AGBL4: variants seen among roughly 807,000 people sequenced by gnomAD.
AGBL4 encodes cytosolic carboxypeptidase 6.
A neutral mutation model predicts 66.4 loss-of-function variants in AGBL4; 58 were observed. That is an observed-to-expected ratio of 0.87 (90% CI 0.71 to 1.09). The LOEUF (loss-of-function observed/expected upper bound fraction) is 1.09, where lower values mean the gene tolerates loss of function less well. Among genes scored for constraint, AGBL4 ranks in the 50% least tolerant of loss-of-function variants. The probability of loss-of-function intolerance (pLI) is 0.00; values close to 1 mark genes in which losing one functional copy is unlikely to be tolerated. For missense variants in AGBL4, 579 were observed against 631.0 expected (o/e 0.92, Z 0.88); for synonymous variants, 234 against 222.9 (o/e 1.05, Z -0.44).
intron 4 of AGBL4, among the ~76,000 whole-genome samples, chr1:49,067,415 C>A (rs1424773720): frequency 6.6e-6 from 1 of 152,220 alleles, no homozygotes; most frequent in African/African-American, 2.4e-5. Flanking sequence ...CTACCTACTT[C>A]ATCTTGTACT....
intron 2 of AGBL4, among the ~76,000 whole-genome samples, chr1:49,701,718 C>A (rs540390905): frequency 6.6e-6 from 1 of 152,030 alleles, no homozygotes; most frequent in South Asian, 2.1e-4. Context: ...AAGTGATCAA[C>A]AAAAGTGACA....
At chr1:49,300,176 A>G (rs1199688769) in intron 3 of AGBL4, among the ~76,000 whole-genome samples, 1 of 152,180 alleles carries the variant, frequency 6.6e-6, no homozygotes, top group Non-Finnish European at 1.5e-5. Context: ...CTTCCCCAGA[A>G]ATAAAATTTC....
chr1:48,778,975 G>GA (rs1319899103), intron 6 of AGBL4, among the ~76,000 whole-genome samples: 1 of 151,592 alleles, frequency 6.6e-6, no homozygotes, highest in African/African-American at 2.4e-5. Flanking sequence ...CAAGCTTGTG[G>GA]AAAAAAAAGG....
Position 48,761,283 on chromosome 1 carries a change from G to C in AGBL4, c.635-98042C>G, listed in dbSNP as rs144179324. 45 of 1,500,702 alleles carry C rather than the reference G, an allele frequency of 3.0e-5. No homozygotes were observed. The Middle Eastern group carries it at 8.7e-4, about 29-fold the overall frequency. 93.0% of individuals were successfully genotyped at this position (1,500,702 alleles called of 1,614,324 possible). ...AGCCAGACTGAAACTCTTTAGCTAC[G>C]AGATATCTGAAAATGCTCCAGCATA... On this transcript the variant is annotated intron_variant, in intron 6 of 13. Transcript: ENST00000371839.
intron 2 of AGBL4, among the ~76,000 whole-genome samples, chr1:49,818,993 A>G (rs1645299252): frequency 1.3e-5 from 2 of 152,170 alleles, no homozygotes; most frequent in Admixed American, 1.3e-4. Flanking sequence ...TCATTTACTA[A>G]CAGTTACTTG....
At chr1:48,922,316 G>T (rs1654148829) in intron 5 of AGBL4, among the ~76,000 whole-genome samples, 1 of 152,154 alleles carries the variant, frequency 6.6e-6, no homozygotes, top group South Asian at 2.1e-4. Context: ...TTTGGCAACT[G>T]CATTCCAATA....
intron 1 of AGBL4, among the ~76,000 whole-genome samples, chr1:49,921,974 C>A (rs559187041): frequency 6.6e-6 from 1 of 152,254 alleles, no homozygotes; most frequent in Admixed American, 6.5e-5. Context: ...ATCCTTCAAT[C>A]CAATCACATT....
intron 4 of AGBL4, among the ~76,000 whole-genome samples, chr1:49,146,360 T>C (rs902691925): frequency 6.6e-6 from 1 of 152,120 alleles, no homozygotes; most frequent in Admixed American, 6.6e-5. Flanking sequence ...ATATCTCATA[T>C]ACCCCATAAA....
chr1:49,711,186 T>C (rs1647638933), intron 2 of AGBL4, among the ~76,000 whole-genome samples: 1 of 152,124 alleles, frequency 6.6e-6, no homozygotes, highest in African/African-American at 2.4e-5. Context: ...AACCATTTGA[T>C]AATTTCTCAT....
chr1:49,756,624 C>G (rs761979651), intron 2 of AGBL4, among the ~76,000 whole-genome samples: 1 of 152,174 alleles, frequency 6.6e-6, no homozygotes, highest in Non-Finnish European at 1.5e-5. Context: ...GTGGGATGGA[C>G]CAGGTGGGCG....
intron 6 of AGBL4, 124 bp downstream of exon 6, chr1:48,867,067 G>A (rs1436790170): frequency 1.8e-6 from 2 of 1,085,600 alleles, no homozygotes; most frequent in African/African-American, 3.1e-5. Flanking sequence ...CATTCATGGT[G>A]CAAGAGTTCT....
intron 5 of AGBL4, among the ~76,000 whole-genome samples, chr1:48,912,306 G>C (rs1653198013): frequency 6.6e-6 from 1 of 152,160 alleles, no homozygotes; most frequent in African/African-American, 2.4e-5. Flanking sequence ...GCTTATCTAT[G>C]ACAAACATCT....
chr1:48,920,714 C>T (rs541943191), intron 5 of AGBL4, among the ~76,000 whole-genome samples: 1 of 152,250 alleles, frequency 6.6e-6, no homozygotes, highest in South Asian at 2.1e-4. Context: ...TTGAGGTGTA[C>T]CCAGCTGCCT....
In AGBL4 at chr1:49,810,281, C is replaced by T. The variant is rs866224990; in HGVS notation, c.157+41115G>A. On this transcript the variant is annotated intron_variant, in intron 2 of 13. Coordinates refer to ENST00000371839, the MANE Select transcript of AGBL4 (RefSeq NM_032785.4). The stretch of plus-strand genomic sequence containing the variant: ...TTACTACTAGATACAAGAATCTATT[C>T]CAAATCCATCAGGGAAGTAAAAAGA... 9.2e-5 allele frequency among the ~76,000 whole-genome samples: 14 copies of T among 152,040 alleles called. No individual in the cohort carries two copies. The East Asian group carries it at 2.5e-3, about 27-fold the overall frequency.
intron 5 of AGBL4, among the ~76,000 whole-genome samples, chr1:48,937,917 T>A (rs916807292): frequency 9.9e-5 from 15 of 152,208 alleles, no homozygotes; most frequent in East Asian, 3.9e-4. Flanking sequence ...AGCACAGGAG[T>A]GGGAGCCAAA....
chr1:49,954,585 T>C (rs1656436729), intron 1 of AGBL4, among the ~76,000 whole-genome samples: 1 of 152,044 alleles, frequency 6.6e-6, no homozygotes, highest in South Asian at 2.1e-4. Context: ...CTCTTCATTA[T>C]AAATTACCAG....
chr1:50,011,120 T>A (rs1661498113), intron 1 of AGBL4, among the ~76,000 whole-genome samples: 1 of 152,166 alleles, frequency 6.6e-6, no homozygotes, highest in Admixed American at 6.5e-5. Context: ...CAAAAAGATT[T>A]GTTAAATTTG....
chr1:48,992,561 C>T (rs1660682245), intron 5 of AGBL4, among the ~76,000 whole-genome samples: 1 of 152,154 alleles, frequency 6.6e-6, no homozygotes, highest in African/African-American at 2.4e-5. Context: ...GTGTCCTTCC[C>T]TTCAGGGCAG....
chr1:49,020,736 G>C (rs1663183167), intron 5 of AGBL4, among the ~76,000 whole-genome samples: 1 of 152,094 alleles, frequency 6.6e-6, no homozygotes. Flanking sequence ...AGAGAACCTG[G>C]ACAGTTTTCT....
Sources: allele counts gnomAD v4.1 joint callset (sites outside exome capture counted in the v4.1 genomes callset), GRCh38; gene constraint gnomAD v4.1.1; transcripts MANE v1.5; gene names NCBI Gene and HGNC (gene_info 2026-07-23, HGNC 2026-07-21).